Variants in HNF4A observed in about 807,000 individuals in gnomAD.
HNF4A encodes the protein hepatocyte nuclear factor 4 alpha.
Under a neutral mutation model 52.4 loss-of-function variants are expected in HNF4A, and 15 were observed. The ratio of observed to expected loss-of-function variants is 0.29; its 90% confidence interval spans 0.19 to 0.44. HNF4A has a LOEUF of 0.44. Ranked by LOEUF, HNF4A falls within the 20% of genes least tolerant of loss-of-function variation. The pLI, the probability that HNF4A is intolerant of heterozygous loss-of-function variation, is 1.00. For synonymous variants in HNF4A, 280 were observed against 264.4 expected, an observed-to-expected ratio of 1.06 and a Z score of -0.57; for missense variants, 479 against 647.2, an observed-to-expected ratio of 0.74 and a Z score of 2.82.
At chr20:44,422,201 G>A (rs964129076) in intron 7 of HNF4A, among the ~76,000 whole-genome samples, 1 of 152,006 alleles carries the variant, frequency 6.6e-6, no homozygotes, top group Non-Finnish European at 1.5e-5. Context: ...CTTACCAGAG[G>A]GTGAGATTTC....
chr20:44,408,717 A>ACT (rs768661924), intron 3 of HNF4A, among the ~76,000 whole-genome samples: 11 of 151,672 alleles, frequency 7.3e-5, no homozygotes, highest in South Asian at 2.1e-4. Flanking sequence ...AGACAGCGAG[A>ACT]CTCTCTCAAA....
chr20:44,381,668 C>T (rs1346362223), intron 1 of HNF4A, among the ~76,000 whole-genome samples: 5 of 151,756 alleles, frequency 3.3e-5, no homozygotes, highest in East Asian at 2.0e-4. Flanking sequence ...TGGCGTGCAG[C>T]GGCACGATCT....
intron 1 of HNF4A, among the ~76,000 whole-genome samples, chr20:44,364,057 C>T (rs1280565035): frequency 1.3e-5 from 2 of 152,060 alleles, no homozygotes; most frequent in Non-Finnish European, 2.9e-5. Flanking sequence ...CACAGTATTC[C>T]CTGGGTCCTA....
chr20:44,395,038 G>A, intron 1 of HNF4A, among the ~76,000 whole-genome samples: 1 of 152,290 alleles, frequency 6.6e-6, no homozygotes, highest in South Asian at 2.1e-4. Flanking sequence ...ATACTCCTGT[G>A]ACAAGCCAGT....
intron 1 of HNF4A, among the ~76,000 whole-genome samples, chr20:44,366,383 G>A (rs928319082): frequency 2.0e-5 from 3 of 152,190 alleles, no homozygotes; most frequent in Non-Finnish European, 2.9e-5. Context: ...TACTTTGGGA[G>A]CCCAAGGTGG....
chr20:44,371,224 C>A (rs73275361), intron 1 of HNF4A, among the ~76,000 whole-genome samples: 3,235 of 152,312 alleles, frequency 0.021, 129 homozygotes, highest in African/African-American at 0.073. Flanking sequence ...AGCTTCCTTA[C>A]TTGTAAGTTA....
At chr20:44,370,525 A>C (rs1274871438) in intron 1 of HNF4A, among the ~76,000 whole-genome samples, 2 of 152,012 alleles carry the variant, frequency 1.3e-5, no homozygotes, top group Non-Finnish European at 2.9e-5. Flanking sequence ...AGCCTGCCCC[A>C]CCTCCATCCC....
upstream of HNF4A, among the ~76,000 whole-genome samples, chr20:44,399,912 G>A (rs971716827): frequency 6.6e-6 from 1 of 152,162 alleles, no homozygotes; most frequent in Non-Finnish European, 1.5e-5. Context: ...TGCCCTTCCA[G>A]CCAGCAGTGG....
intron 1 of HNF4A, among the ~76,000 whole-genome samples, chr20:44,365,273 A>T (rs1037816626): frequency 6.6e-6 from 1 of 152,096 alleles, no homozygotes; most frequent in African/African-American, 2.4e-5. Flanking sequence ...AGCTCAAGCA[A>T]TCCTTCCATC....
At position 44,425,656 on chromosome 20, in the gene HNF4A, C is replaced by CTTT. The variant is rs10657596; in HGVS notation, c.1129+1416_1129+1418dup. On this transcript the variant is annotated intron_variant, in intron 8 of 9. Transcript: ENST00000316099. Reference sequence around the variant, plus strand: ...ATTGTGGACCCTCTTTTCTTTTTTCCTTTTTTTTTTTTTTTTGAGACGAGA... The same window carrying CTTT: ...ATTGTGGACCCTCTTTTCTTTTTTCCTTTTTTTTTTTTTTTTTTTGAGACGAGA... Among the ~76,000 whole-genome samples, 910 of 129,458 alleles carry CTTT rather than the reference C, an allele frequency of 7.0e-3. 33 individuals carry two copies. The highest frequency in any genetic ancestry group is 0.02 in the African/African-American group (692 of 35,238). The allele number at this position is 129,458 out of a possible 152,430, so 84.9% of individuals were successfully genotyped here. A position where few individuals can be genotyped will look rare whatever the true frequency, so the allele number is the denominator to read the frequency against.
At chr20:44,413,174 G>A (rs1401361034) in intron 3 of HNF4A, among the ~76,000 whole-genome samples, 1 of 152,214 alleles carries the variant, frequency 6.6e-6, no homozygotes, top group African/African-American at 2.4e-5. Context: ...GACAGCGCCT[G>A]GCCTTGCTGA....
At chr20:44,422,032 T>C (rs776010045) in intron 7 of HNF4A, among the ~76,000 whole-genome samples, 6 of 151,888 alleles carry the variant, frequency 4.0e-5, no homozygotes, top group Non-Finnish European at 8.8e-5. Flanking sequence ...GAATTATTAT[T>C]ATCTCCATTT....
chr20:44,429,837 C>A lies in HNF4A; in HGVS notation c.*172C>A, dbSNP rs2063857621. ...GCCTAAGGGCCACATCCCACTGCCA[C>A]CCTTGACGCCCTGCTCTGGATAACA... On this transcript the variant is annotated 3_prime_UTR_variant, in exon 10 of 10. Coordinates refer to ENST00000316099, the MANE Select transcript of HNF4A (RefSeq NM_000457.6). 1 of 649,870 alleles carries A rather than the reference C, an allele frequency of 1.5e-6. No individual in the cohort carries two copies. Among genetic ancestry groups the A allele is most frequent in the Admixed American group, 2.8e-5 (1 of 35,124 alleles). 40.3% of individuals were successfully genotyped at this position (649,870 alleles called of 1,614,324 possible). A position where few individuals can be genotyped will look rare whatever the true frequency, so the allele number is the denominator to read the frequency against.
Position 44,401,795 on chromosome 20 carries a change from G to A in HNF4A, c.115+308G>A, listed in dbSNP as rs2071197. Among the ~76,000 whole-genome samples the A allele has an allele frequency of 0.11, 17,301 of 152,216 alleles. 1,793 individuals carry two copies. The highest frequency in any genetic ancestry group is 0.47 in the East Asian group (2,408 of 5,138). On this transcript the variant is annotated intron_variant, in intron 1 of 9. Coordinates refer to ENST00000316099, the MANE Select transcript of HNF4A (RefSeq NM_000457.6). ...TCTGCTTGGCGCTTGGCACAGTGAC[G>A]TGATGGTGAGCTCCCCCTTGGTGCC...
At chr20:44,363,864 T>G (rs2062943424) in intron 1 of HNF4A, among the ~76,000 whole-genome samples, 2 of 151,934 alleles carry the variant, frequency 1.3e-5, no homozygotes. Flanking sequence ...ACCTGACAAA[T>G]TTTTGTAGTC....
At chr20:44,359,705 C>G (rs1317853923) in intron 1 of HNF4A, among the ~76,000 whole-genome samples, 1 of 152,194 alleles carries the variant, frequency 6.6e-6, no homozygotes. Flanking sequence ...ATGCCAGTAA[C>G]ATCTCTTCCC....
chr20:44,429,406 A>G, intron 9 of HNF4A, 117 bp from the exon 10 acceptor site: 1 of 1,082,906 alleles, frequency 9.2e-7, no homozygotes, highest in Admixed American at 1.9e-5. Flanking sequence ...TTTATAGAGG[A>G]AGAAATTAAG....
In HNF4A at chr20:44,412,930, G is replaced by T. The variant is rs546408651; in HGVS notation, c.386-764G>T. On this transcript the variant is annotated intron_variant, in intron 3 of 9. Coordinates refer to ENST00000316099, the MANE Select transcript of HNF4A (RefSeq NM_000457.6). ...GTGGCAGGTTCCAGACAGGAAGCCG[G>T]GTCTGGTGCAGCTTCAACCTCCCTC... Among the ~76,000 whole-genome samples, 194 of 152,290 alleles carry T rather than the reference G, an allele frequency of 1.3e-3. 2 individuals carry two copies. The highest frequency in any genetic ancestry group is 2.0e-3 in the Non-Finnish European group (135 of 68,004).
chr20:44,404,039 C>T (rs560879719), intron 1 of HNF4A, among the ~76,000 whole-genome samples: 2 of 152,290 alleles, frequency 1.3e-5, no homozygotes, highest in South Asian at 4.1e-4. Flanking sequence ...GTGGAGGGGG[C>T]TGCACTCCTG....
Sources: gnomAD v4.1 joint callset for allele counts (sites outside exome capture counted in the v4.1 genomes callset) on GRCh38, gnomAD v4.1.1 for gene constraint, MANE v1.5 for transcripts, NCBI Gene and HGNC (gene_info 2026-07-23, HGNC 2026-07-21) for gene names.